MARCHF1: variants seen among roughly 807,000 people sequenced by gnomAD.
MARCHF1 encodes E3 ubiquitin-protein ligase MARCHF1.
Under a neutral mutation model 54.2 loss-of-function variants are expected in MARCHF1, and 40 were observed. The observed-to-expected ratio is 0.74, with a 90% CI of 0.57 to 0.96. MARCHF1 has a LOEUF of 0.96. MARCHF1 is among the 40% of genes least tolerant of loss of function. The pLI, the probability that MARCHF1 is intolerant of heterozygous loss-of-function variation, is 0.00. For missense variants in MARCHF1, 586 were observed against 656.5 expected (o/e 0.89, Z 1.17); for synonymous variants, 236 against 236.3 (o/e 1.00, Z 0.01).
intron 2 of MARCHF1, among the ~76,000 whole-genome samples, chr4:164,039,057 T>G (rs1273264753): frequency 6.6e-6 from 1 of 152,144 alleles, no homozygotes; most frequent in Admixed American, 6.6e-5. Flanking sequence ...CAATATAAAC[T>G]TCTAAAATAC....
At chr4:163,904,741 AGTATG>A in intron 3 of MARCHF1, among the ~76,000 whole-genome samples, 2 of 135,250 alleles carry the variant, frequency 1.5e-5, no homozygotes, top group East Asian at 4.3e-4. Context: ...TTATTCTTTC[AGTATG>A]GTTTCCAGGA....
At chr4:163,833,368 G>A (rs1470530903) in intron 4 of MARCHF1, among the ~76,000 whole-genome samples, 2 of 152,052 alleles carry the variant, frequency 1.3e-5, no homozygotes, top group Non-Finnish European at 1.5e-5. Context: ...TTGACAAATG[G>A]GATCTAATTA....
At chr4:164,357,994 T>C (rs1038561866) in intron 1 of MARCHF1, among the ~76,000 whole-genome samples, 1 of 152,086 alleles carries the variant, frequency 6.6e-6, no homozygotes, top group Non-Finnish European at 1.5e-5. Context: ...GTGAGAAACA[T>C]AAGAGAAGTA....
At chr4:163,687,229 ATCT>A (rs1744296824) in intron 5 of MARCHF1, among the ~76,000 whole-genome samples, 2 of 151,378 alleles carry the variant, frequency 1.3e-5, no homozygotes, top group African/African-American at 4.9e-5. Flanking sequence ...GAGAAGTCAG[ATCT>A]TTTTTTTTTT....
intron 4 of MARCHF1, among the ~76,000 whole-genome samples, chr4:163,809,060 C>T (rs1168806241): frequency 2.0e-5 from 3 of 152,092 alleles, no homozygotes; most frequent in East Asian, 1.9e-4. Context: ...CCGCTTGCAT[C>T]TTTGCAATTG....
intron 1 of MARCHF1, among the ~76,000 whole-genome samples, chr4:164,140,698 G>A (rs1214079074): frequency 6.6e-6 from 1 of 152,082 alleles, no homozygotes; most frequent in East Asian, 1.9e-4. Flanking sequence ...TTTCCTTTCT[G>A]TGCAGCAAGC....
intron 2 of MARCHF1, among the ~76,000 whole-genome samples, chr4:164,097,958 C>A (rs2111148409): frequency 6.6e-6 from 1 of 152,276 alleles, no homozygotes; most frequent in Non-Finnish European, 1.5e-5. Flanking sequence ...ACTATTCCAC[C>A]ATTTCCTGTG....
chr4:163,580,728 G>T (rs72683408), intron 8 of MARCHF1, among the ~76,000 whole-genome samples: 4,152 of 152,040 alleles, frequency 0.027, 78 homozygotes, highest in Non-Finnish European at 0.043. Context: ...GAAGACTTCA[G>T]AAAAATTTTT....
At chr4:163,551,781 T>C (rs917113386) in intron 8 of MARCHF1, among the ~76,000 whole-genome samples, 14 of 152,204 alleles carry the variant, frequency 9.2e-5, no homozygotes, top group African/African-American at 3.1e-4. Context: ...TCACGAGATC[T>C]GATGGTTTTA....
chr4:164,011,838 C>A (rs1579459408), intron 2 of MARCHF1, among the ~76,000 whole-genome samples: 1 of 152,156 alleles, frequency 6.6e-6, no homozygotes, highest in South Asian at 2.1e-4. Flanking sequence ...GTAAGACACT[C>A]TTGCATTGCC....
At chr4:163,699,223 C>G (rs1744728699) in intron 5 of MARCHF1, among the ~76,000 whole-genome samples, 1 of 152,118 alleles carries the variant, frequency 6.6e-6, no homozygotes, top group Non-Finnish European at 1.5e-5. Flanking sequence ...ATGTGTCTGT[C>G]ACATCTCTGC....
At chr4:164,050,275 CAAAAAAA>C (rs34642436) in intron 2 of MARCHF1, among the ~76,000 whole-genome samples, 11 of 40,192 alleles carry the variant, frequency 2.7e-4, no homozygotes, top group African/African-American at 7.9e-4. Context: ...ACACTGTCTC[CAAAAAAA>C]AAAAAAAAAA....
At chr4:164,270,854 T>G (rs1733728303) in intron 1 of MARCHF1, among the ~76,000 whole-genome samples, 1 of 152,120 alleles carries the variant, frequency 6.6e-6, no homozygotes, top group Admixed American at 6.6e-5. Context: ...TTCCTCTTAG[T>G]CCTCAACAAA....
chr4:164,378,774 C>G (rs905741201), intron 1 of MARCHF1, among the ~76,000 whole-genome samples: 1 of 152,178 alleles, frequency 6.6e-6, no homozygotes, highest in African/African-American at 2.4e-5. Flanking sequence ...TGCAATGGCA[C>G]GATCTTGGCT....
At chr4:163,733,201 A>ATATATATACATACACATG (rs1561046861) in intron 4 of MARCHF1, among the ~76,000 whole-genome samples, 5 of 34,262 alleles carry the variant, frequency 1.5e-4, no homozygotes, top group Non-Finnish European at 3.1e-4. Context: ...ATATATATAT[A>ATATATATACATACACATG]TATATATATA....
At chr4:164,189,814 C>T (rs1731076206) in intron 1 of MARCHF1, 10 of 1,587,742 alleles carry the variant, frequency 6.3e-6, no homozygotes, top group South Asian at 2.2e-5. Flanking sequence ...CTTCTGGGTA[C>T]ATTTGATCTG....
intron 3 of MARCHF1, among the ~76,000 whole-genome samples, chr4:163,876,210 C>T (rs1356082546): frequency 6.6e-6 from 1 of 152,098 alleles, no homozygotes; most frequent in Non-Finnish European, 1.5e-5. Flanking sequence ...CAACTATATC[C>T]ACCTCAATAT....
chr4:163,966,416 C>T (rs746401288), intron 3 of MARCHF1, among the ~76,000 whole-genome samples: 17 of 151,910 alleles, frequency 1.1e-4, no homozygotes, highest in South Asian at 2.1e-4. Flanking sequence ...TTAAGCCTAA[C>T]GACCAAAGTA....
chr4:163,641,280 C>T (rs564685501), intron 5 of MARCHF1, among the ~76,000 whole-genome samples: 59 of 151,874 alleles, frequency 3.9e-4, no homozygotes, highest in African/African-American at 9.9e-4. Context: ...TGATTGACAA[C>T]GCATAGGGAA....
Sources: gnomAD v4.1 joint callset for allele counts (sites outside exome capture counted in the v4.1 genomes callset) on GRCh38, gnomAD v4.1.1 for gene constraint, MANE v1.5 for transcripts, NCBI Gene and HGNC (gene_info 2026-07-23, HGNC 2026-07-21) for gene names.